The following GALNT17 variants were observed in gnomAD, a reference collection of about 807,000 sequenced individuals.
GALNT17 encodes the protein polypeptide N-acetylgalactosaminyltransferase 17, also known as UDP-GalNAc:polypeptide N-acetylgalactosaminyltransferase-like 3.
A neutral mutation model predicts 63.7 loss-of-function variants in GALNT17; 29 were observed. The ratio of observed to expected loss-of-function variants is 0.46; its 90% CI spans 0.34 to 0.62. The LOEUF (loss-of-function observed/expected upper bound fraction) is 0.62. Ranked by LOEUF, GALNT17 falls within the 20% of genes least tolerant of loss-of-function variation. The pLI, the probability that GALNT17 is intolerant of heterozygous loss-of-function variation, is 0.01. For missense variants in GALNT17, 603 were observed against 799.6 expected (o/e 0.75, Z 2.97); for synonymous variants, 305 against 318.3 (o/e 0.96, Z 0.45).
intron 1 of GALNT17, among the ~76,000 whole-genome samples, chr7:71,161,984 C>T (rs909042884): frequency 4.0e-5 from 6 of 149,960 alleles, no homozygotes; most frequent in African/African-American, 1.5e-4. Flanking sequence ...TTCTGCCCTT[C>T]CTCTTCTTTC....
chr7:71,679,403 G>T (rs986788206), intron 9 of GALNT17, among the ~76,000 whole-genome samples: 10 of 151,886 alleles, frequency 6.6e-5, no homozygotes, highest in African/African-American at 2.4e-4. Context: ...CTTAAAAAAA[G>T]AAAAAAATAA....
At chr7:71,158,530 G>T (rs7809074) in intron 1 of GALNT17, among the ~76,000 whole-genome samples, 69,632 of 150,756 alleles carry the variant, frequency 0.46, 17,694 homozygotes, top group African/African-American at 0.64. Flanking sequence ...GAGTAGCTGG[G>T]ATTACAGGTG....
intron 1 of GALNT17, among the ~76,000 whole-genome samples, chr7:71,275,381 CAT>C (rs1366749154): frequency 6.6e-6 from 1 of 152,120 alleles, no homozygotes; most frequent in Non-Finnish European, 1.5e-5. Context: ...GCCTGGGAAA[CAT>C]AGTGAAATCC....
intron 5 of GALNT17, among the ~76,000 whole-genome samples, chr7:71,488,438 C>CCCG (rs1381746753): frequency 2.0e-5 from 3 of 152,072 alleles, no homozygotes; most frequent in African/African-American, 7.2e-5. Context: ...AGAATGGGAC[C>CCCG]CCGTTGCTCA....
chr7:71,688,854 T>G (rs745629757), intron 9 of GALNT17, among the ~76,000 whole-genome samples: 1 of 152,098 alleles, frequency 6.6e-6, no homozygotes, highest in Non-Finnish European at 1.5e-5. Context: ...TTTCACTTTA[T>G]GGTACTTTGT....
At chr7:71,492,944 CT>C (rs1489846430) in intron 5 of GALNT17, among the ~76,000 whole-genome samples, 2 of 152,172 alleles carry the variant, frequency 1.3e-5, no homozygotes, top group Non-Finnish European at 2.9e-5. Flanking sequence ...AATTCACATG[CT>C]ATGAATGGTC....
Position 71,132,469 on chromosome 7 carries a change from A to G in GALNT17, c.-334A>G. 4.7e-6 allele frequency: 1 copy of G among 211,428 alleles called. No homozygotes were observed. The highest frequency in any genetic ancestry group is 9.3e-6 in the Non-Finnish European group (1 of 107,224). The allele number at this position is 211,428 out of a possible 1,614,324, so 13.1% of individuals were successfully genotyped here. On this transcript the variant is annotated 5_prime_UTR_variant, in exon 1 of 11. Coordinates refer to ENST00000333538, the MANE Select transcript of GALNT17 (RefSeq NM_022479.3). ...GCGGCGCCGGCGGCTAGAGGTCCAGAGGCGAACCACTTGCTGGTGCAGAAG... is the reference window on the plus strand; with the variant it reads ...GCGGCGCCGGCGGCTAGAGGTCCAGGGGCGAACCACTTGCTGGTGCAGAAG...
chr7:71,385,015 T>A (rs896677925), intron 2 of GALNT17, among the ~76,000 whole-genome samples: 3 of 152,174 alleles, frequency 2.0e-5, no homozygotes, highest in Non-Finnish European at 4.4e-5. Flanking sequence ...TTAGCCCTCA[T>A]ATCCCAGAAC....
At chr7:71,685,125 G>A (rs1474856624) in intron 9 of GALNT17, among the ~76,000 whole-genome samples, 1 of 152,126 alleles carries the variant, frequency 6.6e-6, no homozygotes, top group East Asian at 1.9e-4. Flanking sequence ...GTCCTTCGGT[G>A]TTCTCCAGGC....
chr7:71,657,978 C>G (rs1584117586), intron 6 of GALNT17, among the ~76,000 whole-genome samples: 1 of 152,120 alleles, frequency 6.6e-6, no homozygotes. Flanking sequence ...CATCATAGCT[C>G]ACCGCAGCCT....
In GALNT17 at chr7:71,712,080, T is replaced by A. The variant is rs1791803156; in HGVS notation, c.1731T>A (p.Ala577=). Residue 577 remains alanine, a synonymous_variant, in exon 11 of 11, where the codon GCT becomes GCA. Transcript: ENST00000333538. ...TGGAGGTGGAGAACCGGGGCCTGGC[T>A]GGCATCGACCTCATCCTCCGCAGCT... is the stretch of plus-strand genomic sequence containing the variant. ...RCLEVENRGL[A]GIDLILRSCT... 1 of 1,613,994 alleles carries A rather than the reference T, an allele frequency of 6.2e-7. No individual in the cohort carries two copies. Among genetic ancestry groups the A allele is most frequent in the African/African-American group, 1.3e-5 (1 of 74,934 alleles).
chr7:71,514,102 G>T (rs1657476549), intron 5 of GALNT17, among the ~76,000 whole-genome samples: 1 of 152,212 alleles, frequency 6.6e-6, no homozygotes, highest in African/African-American at 2.4e-5. Context: ...GGCTGAAGCA[G>T]GAGGATTGCT....
At chr7:71,490,010 C>T (rs1416119109) in intron 5 of GALNT17, among the ~76,000 whole-genome samples, 1 of 152,140 alleles carries the variant, frequency 6.6e-6, no homozygotes, top group Non-Finnish European at 1.5e-5. Flanking sequence ...GCAATCCCAG[C>T]ACTTTGGGAG....
intron 6 of GALNT17, among the ~76,000 whole-genome samples, chr7:71,614,491 C>T (rs993988431): frequency 6.6e-6 from 1 of 151,974 alleles, no homozygotes; most frequent in African/African-American, 2.4e-5. Flanking sequence ...CATATTGGTG[C>T]ATGCCTGTGG....
At chr7:71,683,680 C>T (rs889233149) in intron 9 of GALNT17, among the ~76,000 whole-genome samples, 7 of 152,072 alleles carry the variant, frequency 4.6e-5, no homozygotes, top group Admixed American at 6.6e-5. Context: ...GACAAACATC[C>T]GCTTCTTTTT....
intron 1 of GALNT17, among the ~76,000 whole-genome samples, chr7:71,261,372 C>T (rs1790382699): frequency 6.6e-6 from 1 of 152,126 alleles, no homozygotes; most frequent in Non-Finnish European, 1.5e-5. Context: ...AAATACTTTC[C>T]CCAATTTCCC....
intron 6 of GALNT17, among the ~76,000 whole-genome samples, chr7:71,572,341 A>G (rs1461470823): frequency 6.6e-6 from 1 of 151,434 alleles, no homozygotes. Flanking sequence ...CATCTCCACA[A>G]AAGATAAAAA....
At chr7:71,198,746 T>G (rs1789104523) in intron 1 of GALNT17, among the ~76,000 whole-genome samples, 1 of 152,242 alleles carries the variant, frequency 6.6e-6, no homozygotes, top group African/African-American at 2.4e-5. Context: ...AATTTTCACT[T>G]CATTTCATCC....
At chr7:71,470,126 T>C (rs1426269179) in intron 5 of GALNT17, among the ~76,000 whole-genome samples, 1 of 152,128 alleles carries the variant, frequency 6.6e-6, no homozygotes. Flanking sequence ...TGAGAATCAC[T>C]TGAACCTGGG....
Sources: gnomAD v4.1 joint callset for allele counts (sites outside exome capture counted in the v4.1 genomes callset) on GRCh38, gnomAD v4.1.1 for gene constraint, MANE v1.5 for transcripts, NCBI Gene and HGNC (gene_info 2026-07-23, HGNC 2026-07-21) for gene names.